Variants in SNTG1 observed in about 807,000 individuals in gnomAD.
SNTG1 encodes gamma-1-syntrophin.
Under a neutral mutation model 74.7 loss-of-function variants are expected in SNTG1, and 39 were observed. The observed-to-expected ratio is 0.52, with a 90% confidence interval of 0.40 to 0.68. The LOEUF (loss-of-function observed/expected upper bound fraction) is 0.68, where lower values mean the gene tolerates loss of function less well. Ranked by LOEUF, SNTG1 falls within the 30% of genes least tolerant of loss-of-function variation. SNTG1 has a pLI of 0.00. For synonymous variants in SNTG1, 254 were observed against 217.1 expected (o/e 1.17, Z -1.49); for missense variants, 685 against 609.5 (o/e 1.12, Z -1.30).
At chr8:49,981,500 G>C (rs970056684) in intron 1 of SNTG1, among the ~76,000 whole-genome samples, 2 of 151,950 alleles carry the variant, frequency 1.3e-5, no homozygotes, top group Non-Finnish European at 2.9e-5. Context: ...TGTTTGTAAG[G>C]GCATTATTGA....
intron 2 of SNTG1, among the ~76,000 whole-genome samples, chr8:50,300,326 A>T (rs1195726636): frequency 6.6e-6 from 1 of 152,188 alleles, no homozygotes; most frequent in African/African-American, 2.4e-5. Flanking sequence ...TCTACATAGT[A>T]TACATTTTTG....
chr8:49,961,226 A>G (rs1475858141), intron 1 of SNTG1, among the ~76,000 whole-genome samples: 1 of 152,156 alleles, frequency 6.6e-6, no homozygotes, highest in Non-Finnish European at 1.5e-5. Flanking sequence ...ATTTCTATTC[A>G]TTGTTGTTTG....
intron 2 of SNTG1, among the ~76,000 whole-genome samples, chr8:50,339,811 C>T (rs1435358954): frequency 6.6e-6 from 1 of 151,888 alleles, no homozygotes; most frequent in Non-Finnish European, 1.5e-5. Context: ...TCAACAATGA[C>T]TTCAAATATG....
chr8:50,738,456 T>G (rs1462644749), intron 17 of SNTG1, among the ~76,000 whole-genome samples: 1 of 152,116 alleles, frequency 6.6e-6, no homozygotes, highest in African/African-American at 2.4e-5. Flanking sequence ...ATAGGAAGAA[T>G]CAATATTGTG....
At chr8:50,425,165 C>A (rs527522366) in intron 4 of SNTG1, among the ~76,000 whole-genome samples, 1 of 151,918 alleles carries the variant, frequency 6.6e-6, no homozygotes, top group Non-Finnish European at 1.5e-5. Context: ...GAGATAAGGG[C>A]AAAAAGGGAT....
At chr8:50,468,432 C>T (rs925373557) in intron 8 of SNTG1, among the ~76,000 whole-genome samples, 26 of 152,024 alleles carry the variant, frequency 1.7e-4, no homozygotes, top group African/African-American at 5.8e-4. Context: ...GCTCTAAGTC[C>T]TCTTTGTCTG....
intron 1 of SNTG1, among the ~76,000 whole-genome samples, chr8:49,977,631 A>T (rs544115337): frequency 1.1e-4 from 17 of 152,328 alleles, no homozygotes; most frequent in Non-Finnish European, 1.6e-4. Context: ...CTGAGGGGAA[A>T]GATGCTGATG....
chr8:50,466,844 T>C (rs2093612418), intron 8 of SNTG1, among the ~76,000 whole-genome samples: 1 of 152,028 alleles, frequency 6.6e-6, no homozygotes. Flanking sequence ...TGTTGGTAAG[T>C]AGAAAGCAAT....
At chr8:50,695,441 A>G (rs893699325) in intron 15 of SNTG1, among the ~76,000 whole-genome samples, 2 of 151,904 alleles carry the variant, frequency 1.3e-5, no homozygotes, top group African/African-American at 4.8e-5. Context: ...TTATTCCTAA[A>G]TGAAGGAATT....
rs1379117865 is a variant in SNTG1 at position 50,389,468 on chromosome 8, C to G, written c.-27-4744C>G. Among the ~76,000 whole-genome samples the G allele has an allele frequency of 2.6e-5, 4 of 152,168 alleles. No homozygotes were observed. The East Asian group carries it at 7.7e-4, about 29-fold the overall frequency. On this transcript the variant is annotated intron_variant, in intron 2 of 18. Transcript: ENST00000642720. Reference sequence around the variant, plus strand: ...ACAGGCCCTGGTGTGTGACGTTCCCCTTCCTGTGTCCAAGTGTTCTCATTG... The same window carrying G: ...ACAGGCCCTGGTGTGTGACGTTCCCGTTCCTGTGTCCAAGTGTTCTCATTG...
At chr8:50,205,911 T>G (rs1241820631) in intron 2 of SNTG1, among the ~76,000 whole-genome samples, 3 of 152,186 alleles carry the variant, frequency 2.0e-5, no homozygotes, top group Non-Finnish European at 2.9e-5. Flanking sequence ...GGCTCTGTTC[T>G]GTTCCATTGG....
At chr8:50,327,577 A>G (rs562732543) in intron 2 of SNTG1, among the ~76,000 whole-genome samples, 3 of 152,238 alleles carry the variant, frequency 2.0e-5, no homozygotes, top group Admixed American at 6.5e-5. Context: ...ATTATAAAAA[A>G]CATATAGTTG....
At chr8:50,436,923 C>T (rs192152298) in intron 4 of SNTG1, among the ~76,000 whole-genome samples, 35 of 151,996 alleles carry the variant, frequency 2.3e-4, no homozygotes, top group Middle Eastern at 6.8e-3. Context: ...TATATCTTCC[C>T]GTATTTGTGG....
At chr8:50,550,217 C>T (rs954418126) in intron 11 of SNTG1, among the ~76,000 whole-genome samples, 3 of 152,160 alleles carry the variant, frequency 2.0e-5, no homozygotes, top group African/African-American at 7.2e-5. Context: ...GCAGTGGTTC[C>T]TTGCAGACTT....
intron 12 of SNTG1, among the ~76,000 whole-genome samples, chr8:50,566,033 A>G (rs530041149): frequency 2.0e-5 from 3 of 151,936 alleles, no homozygotes; most frequent in Non-Finnish European, 4.4e-5. Context: ...TGAATTTTTC[A>G]TAAGACTCAA....
intron 2 of SNTG1, among the ~76,000 whole-genome samples, chr8:50,284,396 A>C (rs2088645435): frequency 6.6e-6 from 1 of 152,110 alleles, no homozygotes; most frequent in Non-Finnish European, 1.5e-5. Flanking sequence ...TACCCTGAAC[A>C]TGCCCCATCA....
At chr8:50,074,758 G>A (rs938958832) in intron 1 of SNTG1, among the ~76,000 whole-genome samples, 51 of 152,278 alleles carry the variant, frequency 3.3e-4, no homozygotes, top group African/African-American at 9.1e-4. Context: ...CACTCTGGCC[G>A]CACTTGAGGA....
intron 13 of SNTG1, among the ~76,000 whole-genome samples, chr8:50,608,757 G>C (rs1311733573): frequency 2.0e-5 from 3 of 151,738 alleles, no homozygotes; most frequent in Non-Finnish European, 4.4e-5. Context: ...ATTTTTTCTA[G>C]ATGTTTTATG....
rs2095700489 is a variant in SNTG1 at position 50,794,661 on chromosome 8, A to C, written c.*1832A>C. ...TTATGGAGAAAAAGCAGTGGGATAC[A>C]TCGAACTTAGAATTTTCAGCTGTGG... is the stretch of plus-strand genomic sequence containing the variant. On this transcript the variant is annotated 3_prime_UTR_variant, in exon 19 of 19. Coordinates refer to ENST00000642720, the MANE Select transcript of SNTG1 (RefSeq NM_018967.5). The C allele has an allele frequency of 6.6e-6, 1 of 152,008 alleles. No homozygotes were observed. Among genetic ancestry groups the C allele is most frequent in the African/African-American group, 2.4e-5 (1 of 41,444 alleles). The allele number at this position is 152,008 out of a possible 1,614,324, so 9.4% of individuals were successfully genotyped here.
Sources: allele counts gnomAD v4.1 joint callset (sites outside exome capture counted in the v4.1 genomes callset), GRCh38; gene constraint gnomAD v4.1.1; transcripts MANE v1.5; gene names NCBI Gene and HGNC (gene_info 2026-07-23, HGNC 2026-07-21).